The following CLYBL variants were observed in gnomAD, a reference collection of about 807,000 sequenced individuals.
The protein encoded by CLYBL is citramalyl-CoA lyase, mitochondrial.
CLYBL carries 31 observed loss-of-function variants against 38.9 expected under a neutral mutation model. That is an observed-to-expected ratio of 0.80 (90% confidence interval 0.60 to 1.08). The LOEUF (loss-of-function observed/expected upper bound fraction) is 1.08, where lower values mean the gene tolerates loss of function less well. Ranked by LOEUF, CLYBL falls within the 50% of genes least tolerant of loss-of-function variation. The pLI, the probability that CLYBL is intolerant of heterozygous loss-of-function variation, is 0.00. For missense variants in CLYBL, 434 were observed against 411.6 expected (o/e 1.05, Z -0.47); for synonymous variants, 171 against 158.6 (o/e 1.08, Z -0.59).
At chr13:99,742,830 C>G (rs1340908594) in intron 1 of CLYBL, among the ~76,000 whole-genome samples, 1 of 152,152 alleles carries the variant, frequency 6.6e-6, no homozygotes, top group Non-Finnish European at 1.5e-5. Context: ...AAGTGCAGAA[C>G]TTGGATTGGG....
intron 2 of CLYBL, among the ~76,000 whole-genome samples, chr13:99,793,033 A>AACACACACACACACACACAC (rs10631674): frequency 2.1e-5 from 3 of 145,952 alleles, no homozygotes; most frequent in Admixed American, 6.8e-5. Context: ...GTGCATACAT[A>AACACACACACACACACACAC]ACACACACAC....
chr13:99,795,178 G>A (rs2049997175), intron 2 of CLYBL, among the ~76,000 whole-genome samples: 1 of 152,144 alleles, frequency 6.6e-6, no homozygotes, highest in South Asian at 2.1e-4. Flanking sequence ...TACTAAAAAT[G>A]TGCTATTTCA....
rs1232931911 is a variant in CLYBL at position 99,795,296 on chromosome 13, C to G, written c.249+22286C>G. Among the ~76,000 whole-genome samples, 4 of 152,278 alleles carry G rather than the reference C, an allele frequency of 2.6e-5. 1 individual carries two copies. In the East Asian group the frequency reaches 7.7e-4, roughly 29 times the overall value. On this transcript the variant is annotated intron_variant, in intron 2 of 8. Transcript: ENST00000339105. ...TTGGGCCCTGAATTCTCAGCCAAGTCTAGTCTAAGAAGCAGCATATTCTTG... is the reference window on the plus strand; with the variant it reads ...TTGGGCCCTGAATTCTCAGCCAAGTGTAGTCTAAGAAGCAGCATATTCTTG...
At chr13:99,773,377 A>G (rs538585117) in intron 2 of CLYBL, among the ~76,000 whole-genome samples, 4 of 152,206 alleles carry the variant, frequency 2.6e-5, no homozygotes, top group Admixed American at 6.5e-5. Context: ...CAGGCCTGTT[A>G]GGAACTGGGC....
intron 1 of CLYBL, among the ~76,000 whole-genome samples, chr13:99,751,747 T>C (rs2048962624): frequency 6.6e-6 from 1 of 152,182 alleles, no homozygotes; most frequent in African/African-American, 2.4e-5. Context: ...GTGGTGGTGA[T>C]TGCACAACGG....
chr13:99,677,326 T>C (rs1482067139), intron 1 of CLYBL, among the ~76,000 whole-genome samples: 1 of 151,970 alleles, frequency 6.6e-6, no homozygotes, highest in Non-Finnish European at 1.5e-5. Context: ...ACATTGACTT[T>C]GAGAGAGGAA....
At chr13:99,626,755 T>C (rs1341196257) in intron 1 of CLYBL, among the ~76,000 whole-genome samples, 1 of 152,124 alleles carries the variant, frequency 6.6e-6, no homozygotes, top group Non-Finnish European at 1.5e-5. Context: ...AATGAGAAAC[T>C]TCAAACAGTT....
At chr13:99,766,197 T>C (rs1392154610) in intron 1 of CLYBL, among the ~76,000 whole-genome samples, 1 of 148,692 alleles carries the variant, frequency 6.7e-6, no homozygotes, top group East Asian at 2.0e-4. Flanking sequence ...TAGGCAATCT[T>C]TGTTGATTCT....
chr13:99,823,399 G>A (rs1167478644), intron 2 of CLYBL, among the ~76,000 whole-genome samples: 2 of 152,110 alleles, frequency 1.3e-5, no homozygotes, highest in South Asian at 2.1e-4. Flanking sequence ...ATTATGCCAC[G>A]TATCCATTAT....
intron 1 of CLYBL, among the ~76,000 whole-genome samples, chr13:99,751,617 CAT>C (rs1490702869): frequency 6.6e-6 from 1 of 152,134 alleles, no homozygotes; most frequent in Non-Finnish European, 1.5e-5. Flanking sequence ...TAGTCAAATT[CAT>C]AGAGATGGAA....
chr13:99,806,284 G>T (rs963750797), intron 2 of CLYBL, among the ~76,000 whole-genome samples: 8 of 152,172 alleles, frequency 5.3e-5, no homozygotes, highest in Non-Finnish European at 1.0e-4. Flanking sequence ...GAGTATACCA[G>T]TGTCTCCACA....
At position 99,905,045 on chromosome 13, in the gene CLYBL, G is replaced by T. The variant is rs1239802684; in HGVS notation, c.*25-225G>T. Among the ~76,000 whole-genome samples, 4 of 151,882 alleles carry T rather than the reference G, an allele frequency of 2.6e-5. No individual in the cohort carries two copies. In the East Asian group the frequency reaches 7.8e-4, roughly 30 times the overall value. ...CTTTGCCTCTTTCCCCACAGGGCTG[G>T]CCTGCTCACAGGTCTCAGAGGGAAA... On this transcript the variant is annotated intron_variant and NMD_transcript_variant, in intron 8 of 9. Transcript: ENST00000689673.
In CLYBL at chr13:99,800,759, A is replaced by G. The variant is rs559167872; in HGVS notation, c.249+27749A>G. Among the ~76,000 whole-genome samples, 19 of 152,216 alleles carry G rather than the reference A, an allele frequency of 1.2e-4. No homozygotes were observed. The South Asian group carries it at 3.7e-3, about 30-fold the overall frequency. On this transcript the variant is annotated intron_variant, in intron 2 of 8. Coordinates refer to ENST00000339105, the MANE Select transcript of CLYBL (RefSeq NM_206808.5). ...CATGGTGGCGCATGCCTTTAGTCCC[A>G]GCTACTCAAGAGGCTGAGGCAGGAG...
In CLYBL at chr13:99,672,195, T is replaced by C. The variant is rs9517821; in HGVS notation, c.62+65438T>C. Reference sequence around the variant, plus strand: ...AATCTTTTCTTCGGGAATTTCTTTTTTTTTTTCTTTTTTTTTTTTTTGAGA... The same window carrying C: ...AATCTTTTCTTCGGGAATTTCTTTTCTTTTTTCTTTTTTTTTTTTTTGAGA... On this transcript the variant is annotated intron_variant, in intron 1 of 8. Transcript: ENST00000339105. 8.3e-4 allele frequency among the ~76,000 whole-genome samples: 107 copies of C among 129,642 alleles called. 1 individual carries two copies. Among genetic ancestry groups the C allele is most frequent in the South Asian group, 1.6e-3 (6 of 3,646 alleles). 85.1% of individuals were successfully genotyped at this position (129,642 alleles called of 152,430 possible). A position where few individuals can be genotyped will look rare whatever the true frequency, so the allele number is the denominator to read the frequency against.
At chr13:99,897,742 T>A (rs968455694), downstream of CLYBL, among the ~76,000 whole-genome samples, 1 of 152,028 alleles carries the variant, frequency 6.6e-6, no homozygotes, top group African/African-American at 2.4e-5. Context: ...GGTCAGGAGT[T>A]CAAGACCAGC....
At chr13:99,904,426 T>C (rs9585269) in intron 8 of CLYBL, among the ~76,000 whole-genome samples, 22,442 of 152,224 alleles carry the variant, frequency 0.15, 1,879 homozygotes, top group African/African-American at 0.21. Context: ...TATGTTTGGG[T>C]CTCATGAATT....
chr13:99,633,210 CAAAAAAAA>C (rs59801603), intron 1 of CLYBL, among the ~76,000 whole-genome samples: 17 of 62,726 alleles, frequency 2.7e-4, no homozygotes, highest in South Asian at 8.4e-4. Context: ...GATCCTGTCT[CAAAAAAAA>C]AAAAAAAAAA....
chr13:99,797,042 A>G (rs1299800036), intron 2 of CLYBL, among the ~76,000 whole-genome samples: 1 of 152,196 alleles, frequency 6.6e-6, no homozygotes, highest in African/African-American at 2.4e-5. Flanking sequence ...TGATCAATAT[A>G]TGGTAGCTGT....
intron 1 of CLYBL, among the ~76,000 whole-genome samples, chr13:99,637,963 T>C (rs1444184145): frequency 2.7e-5 from 1 of 37,660 alleles, no homozygotes; most frequent in Non-Finnish European, 4.8e-5. Context: ...CAACAGTGCC[T>C]TTTTTTTTTT....
Sources: allele counts gnomAD v4.1 joint callset (sites outside exome capture counted in the v4.1 genomes callset), GRCh38; gene constraint gnomAD v4.1.1; transcripts MANE v1.5; gene names NCBI Gene and HGNC (gene_info 2026-07-23, HGNC 2026-07-21).